Variants in SETD2 observed in about 807,000 individuals in gnomAD.
SETD2 encodes the protein histone-lysine N-methyltransferase SETD2.
In SETD2, 31 loss-of-function variants were observed where a neutral mutation model predicts 242.1. The observed-to-expected ratio is 0.13, with a 90% CI of 0.10 to 0.17. The LOEUF (loss-of-function observed/expected upper bound fraction) is 0.17. Ranked by LOEUF, SETD2 falls within the 10% of genes least tolerant of loss-of-function variation. SETD2 has a pLI of 1.00. For synonymous variants in SETD2, 1,006 were observed against 1,066.5 expected (o/e 0.94, Z 1.11); for missense variants, 2,481 against 3,046.3 (o/e 0.81, Z 4.37).
intron 1 of SETD2, among the ~76,000 whole-genome samples, chr3:47,161,526 A>G (rs1055276469): frequency 3.3e-5 from 5 of 152,168 alleles, no homozygotes; most frequent in Non-Finnish European, 7.3e-5. Flanking sequence ...AACAGGTGAT[A>G]TTGCTCAGGA....
chr3:47,062,277 G>A lies in SETD2; in HGVS notation c.6179C>T (p.Ser2060Leu), dbSNP rs745410359. The stretch of plus-strand genomic sequence containing the variant: ...TTGCTTGTCTGGGTCTCTCTCTCTT[G>A]ACCTATTAGGAGTCTTCGGGGCAGG... ...QTPAPKTPNR[S>L]RERDPDKQTQ... Residue 2060 changes from serine to leucine, a missense_variant, in exon 14 of 21, where the codon TCA becomes TTA. Physicochemically the swap from Ser to Leu is moderately radical, Grantham distance 145. Around this residue, in one of 17 missense-constraint regions of SETD2, gnomAD observed 80 missense variants for 102.6 expected, o/e 0.78. Coordinates refer to ENST00000409792, the MANE Select transcript of SETD2 (RefSeq NM_014159.7). 1.2e-5 allele frequency: 19 copies of A among 1,613,740 alleles called. No homozygotes were observed. Among genetic ancestry groups the A allele is most frequent in the Non-Finnish European group, 1.4e-5 (17 of 1,179,932 alleles).
intron 1 of SETD2, among the ~76,000 whole-genome samples, chr3:47,158,540 T>C (rs1697385669): frequency 6.6e-6 from 1 of 152,076 alleles, no homozygotes; most frequent in South Asian, 2.1e-4. Context: ...GAATAATATA[T>C]TTTCACTTCC....
rs2038028890 is a variant in SETD2, at chr3:47,017,440, T to C, written c.7534-186A>G. On this transcript the variant is annotated intron_variant, in intron 20 of 20. Transcript: ENST00000409792. The surrounding 1 kb of genome is among the most constrained non-coding windows in gnomAD (Gnocchi z 4.8). ...TCACCAGAAAGGACAAGCTGAGCTC[T>C]GAAAATTTCTTAGAGAACTACTGCT... Among the ~76,000 whole-genome samples, 1 of 152,048 alleles carries C rather than the reference T, an allele frequency of 6.6e-6. No homozygotes were observed. Among genetic ancestry groups the C allele is most frequent in the Non-Finnish European group, 1.5e-5 (1 of 68,002 alleles).
intron 2 of SETD2, among the ~76,000 whole-genome samples, chr3:47,126,389 A>G (rs757005224): frequency 1.3e-5 from 2 of 152,224 alleles, no homozygotes; most frequent in Non-Finnish European, 2.9e-5. Context: ...AGTAAAAGAT[A>G]TTTTTAGAAC....
At chr3:47,110,673 A>C (rs2042613462) in intron 5 of SETD2, among the ~76,000 whole-genome samples, 1 of 152,110 alleles carries the variant, frequency 6.6e-6, no homozygotes, top group Non-Finnish European at 1.5e-5. Flanking sequence ...TAAACAACGC[A>C]AGAGTTTTGA....
At position 47,121,714 on chromosome 3, in the gene SETD2, T is replaced by G. The variant is rs780135291; in HGVS notation, c.2922A>C (p.Arg974Ser). ...EEGNSILPER[R>S]GRPEISLDER... is the part of the protein sequence containing the mutation. Reference sequence around the variant, plus strand: ...CATCTAAAGAGATTTCTGGTCTTCCTCTTCTTTCAGGCAATATGGAATTCC... The same window carrying G: ...CATCTAAAGAGATTTCTGGTCTTCCGCTTCTTTCAGGCAATATGGAATTCC... The change falls in exon 3 of 21, where the codon AGA becomes AGC. Residue 974 changes from arginine (R) to serine (S), a missense_variant. By Grantham distance (110) the Arg-to-Ser change is moderately radical (BLOSUM62 -1). Transcript: ENST00000409792. 1 of 1,614,128 alleles carries G rather than the reference T, an allele frequency of 6.2e-7. No homozygotes were observed. Among genetic ancestry groups the G allele is most frequent in the Non-Finnish European group, 8.5e-7 (1 of 1,179,994 alleles).
At chr3:47,046,815 T>C in intron 15 of SETD2, 194 bp from the exon 16 acceptor site, 2 of 379,846 alleles carry the variant, frequency 5.3e-6, no homozygotes, top group Non-Finnish European at 4.6e-6. Context: ...AATTCCCTAT[T>C]CATTTACTTA....
Position 47,120,476 on chromosome 3 carries a change from T to C in SETD2, c.4160A>G (p.Lys1387Arg). The change falls in exon 3 of 21, where the codon AAA becomes AGA. Residue 1387 changes from lysine (K) to arginine (R), a missense_variant. Physicochemically the swap from Lys to Arg is conservative, Grantham distance 26 (BLOSUM62 2). This residue lies in a region of SETD2 where 1,300 missense variants were observed against 1,259.2 expected (regional missense o/e 1.03). Transcript: ENST00000409792. ...IKDTLAVNEK[K>R]DFSKNLEKND... ...TTTTTCTAAGTTTTTTGAAAAATCT[T>C]TCTTTTCATTCACAGCTAAAGTGTC... The C allele has an allele frequency of 6.2e-7, 1 of 1,613,662 alleles. No individual in the cohort carries two copies. Among genetic ancestry groups the C allele is most frequent in the South Asian group, 1.1e-5 (1 of 91,008 alleles).
chr3:47,131,744 T>C (rs371531769), intron 1 of SETD2, among the ~76,000 whole-genome samples: 34 of 151,820 alleles, frequency 2.2e-4, no homozygotes, highest in African/African-American at 8.0e-4. Flanking sequence ...CCAGAGCAAC[T>C]ATTGTTAAGT....
Position 47,083,805 on chromosome 3 carries a change from C to A in SETD2, c.5975G>T (p.Ser1992Ile). The A allele has an allele frequency of 1.9e-6, 3 of 1,614,158 alleles. No homozygotes were observed. The highest frequency in any genetic ancestry group is 2.5e-6 in the Non-Finnish European group (3 of 1,180,006). ...DEEEGVSDVE[S>I]ERSQEQPDKT... ...ATCTGGCTGTTCTTGGCTCCTTTCA[C>A]TCTCCACATCAGACACACCCTCCTC... Residue 1992 changes from serine to isoleucine, a missense_variant, in exon 12 of 21, where the codon AGT becomes ATT. This residue lies in a region of SETD2 where 203 missense variants were observed against 222.4 expected (regional missense o/e 0.91). Coordinates refer to ENST00000409792, the MANE Select transcript of SETD2 (RefSeq NM_014159.7).
At chr3:47,080,276 T>C (rs1293226658) in intron 12 of SETD2, among the ~76,000 whole-genome samples, 1 of 152,210 alleles carries the variant, frequency 6.6e-6, no homozygotes, top group Non-Finnish European at 1.5e-5. Flanking sequence ...GTTCAACTTA[T>C]CACATGTAGG....
At position 47,098,096 on chromosome 3, in the gene SETD2, T is replaced by C. The variant is rs760067058; in HGVS notation, c.5016-15A>G. 2.7e-5 allele frequency: 44 copies of C among 1,613,246 alleles called. No individual in the cohort carries two copies. Among genetic ancestry groups the C allele is most frequent in the South Asian group, 4.4e-5 (4 of 91,066 alleles). On this transcript the variant is annotated splice_polypyrimidine_tract_variant and intron_variant, in intron 8 of 20. Transcript: ENST00000409792. ...GGGCTTCTTTTCTGTTCAAAGAGCA[T>C]AGGAAAGAAGTCAGCTATGTGGAAG...
chr3:47,019,919 T>C, intron 18 of SETD2, 79 bp from the exon 19 acceptor site: 1 of 1,216,188 alleles, frequency 8.2e-7, no homozygotes, highest in Non-Finnish European at 1.2e-6. Flanking sequence ...AGAACCCTCC[T>C]TTCTTTCCCC....
rs2106690155 is a variant in SETD2, at chr3:47,122,894, T to C, written c.1742A>G (p.Glu581Gly). Residue 581 changes from glutamate (E) to glycine (G), a missense_variant, in exon 3 of 21, where the codon GAA becomes GGA. This residue lies in a region of SETD2 where 1,300 missense variants were observed against 1,259.2 expected (regional missense o/e 1.03). Coordinates refer to ENST00000409792, the MANE Select transcript of SETD2 (RefSeq NM_014159.7). ...ACTAAAAGAATGAGACTGTTTGATT[T>C]CTTCATTTAATTCTGTACAACAGAA... is the stretch of plus-strand genomic sequence containing the variant. ...NSFCCTELNE[E>G]IKQSHSFSLQ... 6.2e-7 allele frequency: 1 copy of C among 1,610,502 alleles called. No individual in the cohort carries two copies.
At chr3:47,157,788 G>A (rs1228968389) in intron 1 of SETD2, among the ~76,000 whole-genome samples, 1 of 151,358 alleles carries the variant, frequency 6.6e-6, no homozygotes, top group Non-Finnish European at 1.5e-5. Context: ...CAAGAGAACT[G>A]CTTAAACCCA....
At chr3:47,126,747 G>A in intron 1 of SETD2, 84 bp from the exon 2 acceptor site, 1 of 826,758 alleles carries the variant, frequency 1.2e-6, no homozygotes, top group East Asian at 2.7e-5. Flanking sequence ...ATAGTTATTT[G>A]TATTAAAACT....
chr3:47,146,684 C>T (rs1471798734), intron 1 of SETD2, among the ~76,000 whole-genome samples: 1 of 151,340 alleles, frequency 6.6e-6, no homozygotes, highest in Non-Finnish European at 1.5e-5. Context: ...TGCCTGTAAT[C>T]CCAGCATTCT....
At chr3:47,114,031 A>G (rs2107720318) in intron 4 of SETD2, 27 bp from the exon 5 acceptor site, 1 of 1,595,370 alleles carries the variant, frequency 6.3e-7, no homozygotes, top group Non-Finnish European at 8.5e-7. Flanking sequence ...AGGAAATTTA[A>G]TTCTTTAAAG....
At chr3:47,067,940 AGATCACTGCTCCTCTT>A (rs2040636976) in intron 12 of SETD2, among the ~76,000 whole-genome samples, 3 of 152,258 alleles carry the variant, frequency 2.0e-5, no homozygotes, top group African/African-American at 4.8e-5. Flanking sequence ...GATAAGCATT[AGATCACTGCTCCTCTT>A]GATCACTGTA....
Sources: allele counts gnomAD v4.1 joint callset (sites outside exome capture counted in the v4.1 genomes callset), GRCh38; gene constraint gnomAD v4.1.1; regional missense constraint gnomAD v4.1.1; non-coding constraint Gnocchi (gnomAD v3.1); transcripts MANE v1.5; gene names NCBI Gene and HGNC (gene_info 2026-07-23, HGNC 2026-07-21).